CYP4F22: variants seen among roughly 807,000 people sequenced by gnomAD.
CYP4F22 encodes cytochrome P450 family 4 subfamily F member 22, also known as ultra-long-chain fatty acid omega-hydroxylase.
Under a neutral mutation model 60.4 loss-of-function variants are expected in CYP4F22, and 37 were observed. The observed-to-expected ratio is 0.61, with a 90% CI of 0.47 to 0.81. The LOEUF is 0.81. CYP4F22 is among the 30% of genes least tolerant of loss of function. CYP4F22 has a pLI of 0.00. For synonymous variants in CYP4F22, 258 were observed against 280.5 expected, an observed-to-expected ratio of 0.92 and a Z score of 0.80; for missense variants, 655 against 715.0, an observed-to-expected ratio of 0.92 and a Z score of 0.96.
chr19:15,545,662 A>AG (rs1182903290), intron 10 of CYP4F22, among the ~76,000 whole-genome samples: 1 of 68,158 alleles, frequency 1.5e-5, no homozygotes, highest in East Asian at 3.7e-4. Flanking sequence ...AAAAAAAAAA[A>AG]AAAAAAAAAG....
At chr19:15,546,535 G>C (rs1025776476) in intron 10 of CYP4F22, among the ~76,000 whole-genome samples, 21 of 152,084 alleles carry the variant, frequency 1.4e-4, no homozygotes, top group African/African-American at 5.1e-4. Flanking sequence ...AGTGAGCTGA[G>C]ATTGTGCCAC....
rs776514995 is a variant in CYP4F22, at chr19:15,525,456, G to A, written c.120G>A (p.Leu40=). The A allele has an allele frequency of 1.1e-5, 17 of 1,613,996 alleles. No homozygotes were observed. The highest frequency in any genetic ancestry group is 1.3e-5 in the African/African-American group (1 of 74,926). Residue 40 remains leucine, a synonymous_variant, in exon 3 of 14, where the codon CTG becomes CTA. Coordinates refer to ENST00000269703, the MANE Select transcript of CYP4F22 (RefSeq NM_173483.4). Reference sequence around the variant, plus strand: ...TCTTCTTCCTGTTCCGCCTGCTGCTGCGGTTCCTGAGGCTCTGCAGGAGCT... The same window carrying A: ...TCTTCTTCCTGTTCCGCCTGCTGCTACGGTTCCTGAGGCTCTGCAGGAGCT... ...FLLFFLFRLL[L]RFLRLCRSFY...
At chr19:15,509,904 C>CTTT (rs1555725971) in intron 1 of CYP4F22, among the ~76,000 whole-genome samples, 4,142 of 86,518 alleles carry the variant, frequency 0.048, 207 homozygotes, top group East Asian at 0.13. Context: ...TTCCTTCCTT[C>CTTT]CTTTCTTTCT....
chr19:15,516,835 C>CTTTTTTTT (rs756727270), intron 1 of CYP4F22: 1 of 202,544 alleles, frequency 4.9e-6, no homozygotes, highest in Non-Finnish European at 8.5e-6. Flanking sequence ...AGATGTTATT[C>CTTTTTTTT]TTTTTTTTTT....
chr19:15,543,858 G>GAA (rs573134093), intron 8 of CYP4F22, 113 bp from the exon 9 acceptor site: 1,632 of 844,270 alleles, frequency 1.9e-3, no homozygotes, highest in Non-Finnish European at 2.3e-3. Context: ...CTCCATCTCA[G>GAA]AAAAAAAAAA....
rs1177793281 is a variant in CYP4F22, at chr19:15,509,922, C to CTTCT, written c.-109+1362_-109+1365dup. 3.5e-3 allele frequency among the ~76,000 whole-genome samples: 408 copies of CTTCT among 115,528 alleles called. 4 individuals are homozygous for CTTCT. The highest frequency in any genetic ancestry group is 8.8e-3 in the Middle Eastern group (2 of 226). 75.8% of individuals were successfully genotyped at this position (115,528 alleles called of 152,430 possible). A position where few individuals can be genotyped will look rare whatever the true frequency, so the allele number is the denominator to read the frequency against. ...CTTCCTTCCTTTCTTTCTTTCCTTC[C>CTTCT]TTCTTTCTTTCTTTCTTTCTTTCTT... On this transcript the variant is annotated intron_variant, in intron 1 of 13. Coordinates refer to ENST00000269703, the MANE Select transcript of CYP4F22 (RefSeq NM_173483.4).
At chr19:15,528,487 C>G (rs1971306860) in intron 3 of CYP4F22, among the ~76,000 whole-genome samples, 1 of 152,162 alleles carries the variant, frequency 6.6e-6, no homozygotes, top group Non-Finnish European at 1.5e-5. Flanking sequence ...ATGCGCTACT[C>G]TGCCCTCCAA....
rs1971556819 is a variant in CYP4F22, at chr19:15,548,300, T to C, written c.1270+59T>C. ...TGCCTCCAATGATGTAGCTGCTCTA[T>C]TGTCCACAGGGGCCTGGCTATGCCT... On this transcript the variant is annotated intron_variant, in intron 11 of 13. Transcript: ENST00000269703. The C allele has an allele frequency of 2.5e-6, 4 of 1,610,098 alleles. No individual in the cohort carries two copies. The Admixed American group carries it at 5.0e-5, about 20-fold the overall frequency.
Position 15,548,231 on chromosome 19 carries a change from C to T in CYP4F22, c.1260C>T (p.Ile420=). 6.2e-7 allele frequency: 1 copy of T among 1,614,108 alleles called. No individual in the cohort carries two copies. The highest frequency in any genetic ancestry group is 8.5e-7 in the Non-Finnish European group (1 of 1,180,026). ...TEDIKLPDGR[I]IPKGIICLVS... ...ACATCAAGCTCCCAGATGGGCGCAT[C>T]ATCCCCAAAGGTGCCTACCATGTTC... The change falls in exon 11 of 14, where the codon ATC becomes ATT. Residue 420 remains isoleucine, a synonymous_variant. Coordinates refer to ENST00000269703, the MANE Select transcript of CYP4F22 (RefSeq NM_173483.4).
intron 1 of CYP4F22, among the ~76,000 whole-genome samples, chr19:15,519,887 C>A (rs1180852892): frequency 1.3e-5 from 2 of 152,134 alleles, no homozygotes; most frequent in African/African-American, 4.8e-5. Context: ...CTGGTGTGGA[C>A]CCAGAGATCA....
At chr19:15,519,483 G>A (rs906342895) in intron 1 of CYP4F22, among the ~76,000 whole-genome samples, 2 of 152,056 alleles carry the variant, frequency 1.3e-5, no homozygotes, top group Non-Finnish European at 2.9e-5. Context: ...GGCTGGTCTC[G>A]AACTCCTGAC....
At chr19:15,531,817 A>T (rs1203084205) in intron 4 of CYP4F22, among the ~76,000 whole-genome samples, 1 of 152,122 alleles carries the variant, frequency 6.6e-6, no homozygotes, top group Non-Finnish European at 1.5e-5. Context: ...TATAATGTGG[A>T]TAAGAGGCCA....
In CYP4F22 at chr19:15,525,363, G is replaced by A; in HGVS notation, c.27G>A (p.Leu9=). 1 of 1,613,930 alleles carries A rather than the reference G, an allele frequency of 6.2e-7. No individual in the cohort carries two copies. The highest frequency in any genetic ancestry group is 8.5e-7 in the Non-Finnish European group (1 of 1,180,032). The part of the protein sequence containing the change: MLPITDRL[L]HLLGLEKTAF... ...TGCTGCCCATCACAGACCGCCTGCT[G>A]CACCTCCTGGGGCTGGAGAAGACGG... The change falls in exon 3 of 14, where the codon CTG becomes CTA. Residue 9 remains leucine, a synonymous_variant. Transcript: ENST00000269703.
chr19:15,534,784 C>T (rs1257164856), intron 4 of CYP4F22, among the ~76,000 whole-genome samples: 4 of 152,086 alleles, frequency 2.6e-5, no homozygotes, highest in African/African-American at 7.2e-5. Context: ...GTCAGTGAAG[C>T]TGGGCCCCGA....
At chr19:15,543,319 A>G (rs1021775298) in intron 8 of CYP4F22, among the ~76,000 whole-genome samples, 2 of 151,500 alleles carry the variant, frequency 1.3e-5, no homozygotes, top group African/African-American at 4.9e-5. Flanking sequence ...CCTCAGCTTC[A>G]CCAGTAGCTG....
intron 10 of CYP4F22, among the ~76,000 whole-genome samples, chr19:15,546,781 C>T (rs1568363544): frequency 6.6e-6 from 1 of 151,808 alleles, no homozygotes; most frequent in Non-Finnish European, 1.5e-5. Context: ...TAGGCTCTCA[C>T]ACTGTGGCCC....
chr19:15,535,422 A>AG (rs1971384548), intron 4 of CYP4F22, among the ~76,000 whole-genome samples: 2 of 152,218 alleles, frequency 1.3e-5, no homozygotes, highest in South Asian at 4.1e-4. Flanking sequence ...GCCAATTCCT[A>AG]GGGATTGTGT....
chr19:15,517,624 A>G (rs921782865), intron 1 of CYP4F22, among the ~76,000 whole-genome samples: 5 of 152,028 alleles, frequency 3.3e-5, no homozygotes, highest in African/African-American at 1.2e-4. Context: ...TTCAGCTGGG[A>G]TTTTCCTGGG....
chr19:15,548,212 A>C lies in CYP4F22; in HGVS notation c.1241A>C (p.Lys414Thr). Residue 414 changes from lysine to threonine, a missense_variant, in exon 11 of 14, where the codon AAG (lysine) becomes ACG (threonine). By Grantham distance (78) the Lys-to-Thr change is moderately conservative. Around this residue, in one of 3 missense-constraint regions of CYP4F22, gnomAD observed 74 missense variants for 118.4 expected, o/e 0.62. Transcript: ENST00000269703. ...LVSRQCTEDI[K>T]LPDGRIIPKG... ...TCTCGCCAATGCACGGAGGACATCA[A>C]GCTCCCAGATGGGCGCATCATCCCC... The C allele has an allele frequency of 6.2e-7, 1 of 1,614,080 alleles. No homozygotes were observed. The highest frequency in any genetic ancestry group is 8.5e-7 in the Non-Finnish European group (1 of 1,180,006).
Sources: allele counts gnomAD v4.1 joint callset (sites outside exome capture counted in the v4.1 genomes callset), GRCh38; gene constraint gnomAD v4.1.1; regional missense constraint gnomAD v4.1.1; transcripts MANE v1.5; gene names NCBI Gene and HGNC (gene_info 2026-07-23, HGNC 2026-07-21).